Variants in LRP1B observed in about 807,000 individuals in gnomAD.
LRP1B encodes the protein LDL receptor related protein 1B.
LRP1B carries 217 observed loss-of-function variants against 556.6 expected under a neutral mutation model. That is an observed-to-expected ratio of 0.39 (90% CI 0.35 to 0.44). The LOEUF is 0.44. Ranked by LOEUF, LRP1B falls within the 20% of genes least tolerant of loss-of-function variation. The pLI is 1.00. For synonymous variants in LRP1B, 2,047 were observed against 1,865.8 expected (o/e 1.10, Z -2.50); for missense variants, 5,053 against 5,620.8 (o/e 0.90, Z 3.23).
intron 1 of LRP1B, among the ~76,000 whole-genome samples, chr2:142,101,413 C>A (rs1287866066): frequency 6.6e-6 from 1 of 151,988 alleles, no homozygotes; most frequent in Non-Finnish European, 1.5e-5. Flanking sequence ...GTATGTCTAT[C>A]TCTCTGCATA....
intron 41 of LRP1B, among the ~76,000 whole-genome samples, chr2:140,688,931 G>T (rs1686141965): frequency 6.6e-6 from 1 of 152,206 alleles, no homozygotes; most frequent in Non-Finnish European, 1.5e-5. Context: ...GATGAGAAGA[G>T]CTACATAGTC....
At chr2:141,003,395 G>T (rs762320290) in intron 15 of LRP1B, among the ~76,000 whole-genome samples, 2 of 152,028 alleles carry the variant, frequency 1.3e-5, no homozygotes, top group African/African-American at 4.8e-5. Context: ...TGTAAAATGA[G>T]ATGGTGATAC....
intron 32 of LRP1B, among the ~76,000 whole-genome samples, chr2:140,789,185 G>T (rs554294333): frequency 1.3e-5 from 2 of 152,092 alleles, no homozygotes; most frequent in African/African-American, 4.8e-5. Context: ...CATTTTTGAG[G>T]TCCAGTCTGA....
chr2:141,984,463 G>A lies in LRP1B; in HGVS notation c.82+146185C>T, dbSNP rs142903845. Among the ~76,000 whole-genome samples the A allele has an allele frequency of 1.6e-3, 249 of 152,182 alleles. 1 individual carries two copies. The highest frequency in any genetic ancestry group is 6.8e-3 in the Middle Eastern group (2 of 294). ...TGAATTATACTATGTTGGCAAATGA[G>A]TATTGTAATTCAGGCTCAAAATAAA... is the stretch of plus-strand genomic sequence containing the variant. On this transcript the variant is annotated intron_variant, in intron 1 of 90. Transcript: ENST00000389484.
chr2:141,673,667 T>C (rs1400802865), intron 2 of LRP1B, among the ~76,000 whole-genome samples: 2 of 152,118 alleles, frequency 1.3e-5, no homozygotes, highest in Non-Finnish European at 2.9e-5. Flanking sequence ...ATAATAATAG[T>C]TTTTTAGATG....
At chr2:140,984,630 A>G (rs903502127) in intron 17 of LRP1B, among the ~76,000 whole-genome samples, 1 of 152,108 alleles carries the variant, frequency 6.6e-6, no homozygotes, top group African/African-American at 2.4e-5. Context: ...CCTGTCTCAT[A>G]TTGTGTATGA....
Position 140,772,591 on chromosome 2 carries a change from G to A in LRP1B, c.5501-1585C>T, listed in dbSNP as rs1382026994. Among the ~76,000 whole-genome samples, 3 of 152,098 alleles carry A rather than the reference G, an allele frequency of 2.0e-5. No individual in the cohort carries two copies. The South Asian group carries it at 6.2e-4, about 31-fold the overall frequency. ...TCCTGAAGTGCTGGGATTACAGGAT[G>A]AGTCACTGCCCCCAGCCTAGATTTA... On this transcript the variant is annotated intron_variant, in intron 33 of 90. Coordinates refer to ENST00000389484, the MANE Select transcript of LRP1B (RefSeq NM_018557.3).
chr2:140,302,799 C>T (rs1011293925), intron 83 of LRP1B, among the ~76,000 whole-genome samples: 5 of 151,958 alleles, frequency 3.3e-5, no homozygotes, highest in Admixed American at 2.0e-4. Context: ...GACTCAAAGA[C>T]TTACACCTGA....
intron 3 of LRP1B, among the ~76,000 whole-genome samples, chr2:141,435,213 G>A (rs1248782997): frequency 1.3e-5 from 2 of 152,130 alleles, no homozygotes; most frequent in African/African-American, 2.4e-5. Flanking sequence ...TTTTTGGTCA[G>A]AGGTTGTATT....
chr2:141,363,916 T>C (rs973905593), intron 3 of LRP1B, among the ~76,000 whole-genome samples: 2 of 152,178 alleles, frequency 1.3e-5, no homozygotes, highest in Admixed American at 1.3e-4. Context: ...AAATAAATAC[T>C]TTCTAAACAA....
chr2:140,946,178 T>G (rs966739597), intron 20 of LRP1B, among the ~76,000 whole-genome samples: 1 of 152,162 alleles, frequency 6.6e-6, no homozygotes, highest in African/African-American at 2.4e-5. Flanking sequence ...TCAGAATGGC[T>G]ATTATTAAAA....
At chr2:141,669,337 C>A (rs1417455232) in intron 2 of LRP1B, among the ~76,000 whole-genome samples, 1 of 152,114 alleles carries the variant, frequency 6.6e-6, no homozygotes, top group East Asian at 1.9e-4. Context: ...TCAGAAGAAA[C>A]CAACCCTGAC....
intron 3 of LRP1B, among the ~76,000 whole-genome samples, chr2:141,388,694 A>T (rs1312586770): frequency 6.6e-6 from 1 of 152,100 alleles, no homozygotes; most frequent in African/African-American, 2.4e-5. Flanking sequence ...AAAGCCCTCA[A>T]GTTTGGAAAA....
chr2:141,496,854 A>G (rs1305465056), intron 2 of LRP1B, among the ~76,000 whole-genome samples: 5 of 152,042 alleles, frequency 3.3e-5, no homozygotes, highest in African/African-American at 7.2e-5. Context: ...AGAACCAGAT[A>G]TAAAATGCGA....
rs112554411 is a variant in LRP1B, at chr2:141,355,637, C to T, written c.344-100996G>A. 4.2e-3 allele frequency among the ~76,000 whole-genome samples: 636 copies of T among 152,160 alleles called. 5 individuals carry two copies. The highest frequency in any genetic ancestry group is 0.014 in the African/African-American group (567 of 41,476). ...AACTTCAATTTAAGTTTGTAGCCTT[C>T]TTTTGTACACTCAAGATAAATTAAA... On this transcript the variant is annotated intron_variant, in intron 3 of 90. Transcript: ENST00000389484.
At chr2:140,370,653 C>T (rs1472201694) in intron 71 of LRP1B, 57 bp downstream of exon 71, 10 of 1,599,044 alleles carry the variant, frequency 6.3e-6, no homozygotes, top group Admixed American at 5.1e-5. Context: ...ATATTCTGCA[C>T]AGAACCTTAA....
chr2:140,790,837 A>T (rs1690089976), intron 32 of LRP1B, among the ~76,000 whole-genome samples: 1 of 152,198 alleles, frequency 6.6e-6, no homozygotes. Flanking sequence ...GCAATGGCTC[A>T]CACCTGTAAT....
chr2:140,900,172 G>T (rs1010810206), intron 23 of LRP1B, among the ~76,000 whole-genome samples: 5 of 152,032 alleles, frequency 3.3e-5, no homozygotes, highest in African/African-American at 1.2e-4. Context: ...CTCTGTCCCT[G>T]GTCACCTGTA....
At chr2:141,602,571 T>C (rs896603495) in intron 2 of LRP1B, among the ~76,000 whole-genome samples, 6 of 152,336 alleles carry the variant, frequency 3.9e-5, no homozygotes, top group African/African-American at 1.4e-4. Flanking sequence ...TCTTCATCTC[T>C]TTTAAAGCAG....
Sources: gnomAD v4.1 joint callset for allele counts (sites outside exome capture counted in the v4.1 genomes callset) on GRCh38, gnomAD v4.1.1 for gene constraint, MANE v1.5 for transcripts, NCBI Gene and HGNC (gene_info 2026-07-23, HGNC 2026-07-21) for gene names.